Variants in DLGAP2 observed in about 807,000 individuals in gnomAD.
DLGAP2 encodes the protein disks large-associated protein 2.
In DLGAP2, 26 loss-of-function variants were observed where a neutral mutation model predicts 100.3. The ratio of observed to expected loss-of-function variants is 0.26; its 90% CI spans 0.19 to 0.36. DLGAP2 has a LOEUF of 0.36. Among genes scored for constraint, DLGAP2 ranks in the 10% least tolerant of loss-of-function variants. The pLI, the probability that DLGAP2 is intolerant of heterozygous loss-of-function variation, is 1.00. For missense variants in DLGAP2, 1,858 were observed against 1,453.2 expected (o/e 1.28, Z -4.53); for synonymous variants, 886 against 630.1 (o/e 1.41, Z -6.08).
At chr8:1,161,189 T>C (rs1195972576) in intron 2 of DLGAP2, among the ~76,000 whole-genome samples, 5 of 152,158 alleles carry the variant, frequency 3.3e-5, no homozygotes, top group Admixed American at 1.3e-4. Flanking sequence ...AACACATCGA[T>C]GTATCCTACT....
intron 3 of DLGAP2, among the ~76,000 whole-genome samples, chr8:1,484,273 G>A (rs930012069): frequency 3.9e-5 from 6 of 152,236 alleles, no homozygotes; most frequent in African/African-American, 9.6e-5. Context: ...AGTCAGACCC[G>A]TATCACTGCC....
intron 3 of DLGAP2, among the ~76,000 whole-genome samples, chr8:1,326,944 C>G (rs1323098699): frequency 3.9e-5 from 6 of 152,216 alleles, no homozygotes; most frequent in Admixed American, 2.6e-4. Flanking sequence ...ATCAGCCGTG[C>G]TCTTTAGCCA....
intron 3 of DLGAP2, among the ~76,000 whole-genome samples, chr8:1,333,066 T>C (rs1801194584): frequency 6.6e-6 from 1 of 152,116 alleles, no homozygotes; most frequent in Admixed American, 6.5e-5. Context: ...AGCGATGGTG[T>C]CTGGAGGAGG....
intron 3 of DLGAP2, among the ~76,000 whole-genome samples, chr8:1,283,019 C>G (rs1168170271): frequency 1.5e-5 from 2 of 135,272 alleles, no homozygotes; most frequent in South Asian, 2.7e-4. Context: ...CATGGTGTGA[C>G]CTGAGCCCAG....
chr8:866,408 A>G (rs1392732459), intron 1 of DLGAP2, among the ~76,000 whole-genome samples: 1 of 152,180 alleles, frequency 6.6e-6, no homozygotes, highest in East Asian at 1.9e-4. Flanking sequence ...CCTGGGAACC[A>G]TGTCTCTGGG....
rs967680331 is a variant in DLGAP2 at position 825,169 on chromosome 8, G to A, written c.19-82743G>A. ...CCAAAATGACCCCACAGAACCATCT[G>A]CAGGGTCTCTGCTACCGTACGGCTG... On this transcript the variant is annotated intron_variant, in intron 1 of 14. Transcript: ENST00000637795. Among the ~76,000 whole-genome samples, 17 of 152,104 alleles carry A rather than the reference G, an allele frequency of 1.1e-4. 1 individual carries two copies. Among genetic ancestry groups the A allele is most frequent in the African/African-American group, 4.1e-4 (17 of 41,418 alleles).
chr8:791,671 A>G (rs1822030149), intron 1 of DLGAP2, among the ~76,000 whole-genome samples: 1 of 152,244 alleles, frequency 6.6e-6, no homozygotes, highest in South Asian at 2.1e-4. Context: ...ATATATGCAC[A>G]TAAAGTTGAT....
intron 1 of DLGAP2, among the ~76,000 whole-genome samples, chr8:741,837 C>T (rs750378663): frequency 7.2e-5 from 11 of 152,156 alleles, no homozygotes; most frequent in East Asian, 5.8e-4. Flanking sequence ...GAGTGAAGAG[C>T]GGGAACTTTC....
At chr8:1,662,792 G>A (rs530079956) in intron 8 of DLGAP2, among the ~76,000 whole-genome samples, 2 of 151,548 alleles carry the variant, frequency 1.3e-5, no homozygotes, top group East Asian at 3.9e-4. Flanking sequence ...GTGTACACAC[G>A]TGTGAGTGTG....
chr8:1,337,044 G>C (rs900071484), intron 3 of DLGAP2, among the ~76,000 whole-genome samples: 3 of 152,166 alleles, frequency 2.0e-5, no homozygotes, highest in African/African-American at 7.2e-5. Flanking sequence ...TCAGTACATA[G>C]TAACCAGTAA....
chr8:1,417,463 C>G (rs1198024169), intron 3 of DLGAP2, among the ~76,000 whole-genome samples: 2 of 152,202 alleles, frequency 1.3e-5, no homozygotes, highest in African/African-American at 2.4e-5. Context: ...TGTTCTCTTA[C>G]TGTGAAGGTT....
intron 3 of DLGAP2, among the ~76,000 whole-genome samples, chr8:1,288,827 G>A (rs1263519258): frequency 6.6e-6 from 1 of 152,086 alleles, no homozygotes; most frequent in Non-Finnish European, 1.5e-5. Flanking sequence ...CAGTGTGTGT[G>A]TGTACATGGT....
In DLGAP2 at chr8:922,941, T is replaced by C. The variant is rs763810563; in HGVS notation, c.73+14975T>C. Among the ~76,000 whole-genome samples, 3 of 152,224 alleles carry C rather than the reference T, an allele frequency of 2.0e-5. No individual in the cohort carries two copies. The East Asian group carries it at 5.8e-4, about 29-fold the overall frequency. On this transcript the variant is annotated intron_variant, in intron 2 of 14. Transcript: ENST00000637795. ...AAATGAGACCAGGAGTTTTGGAATA[T>C]AGAGGGAGGTGCCCAGGGCTGGGAA...
intron 4 of DLGAP2, among the ~76,000 whole-genome samples, chr8:1,516,021 ATGAGTGAGTGAATGAGTAACTGAG>A (rs370305359): frequency 0.026 from 3,853 of 150,690 alleles, 62 homozygotes; most frequent in Middle Eastern, 0.034. Context: ...GAGTGCATGA[ATGAGTGAGTGAATGAGTAACTGAG>A]TGAATGAGTG....
chr8:1,337,139 GTGGTGAGAATGA>G (rs1393334641), intron 3 of DLGAP2, among the ~76,000 whole-genome samples: 2 of 150,730 alleles, frequency 1.3e-5, no homozygotes, highest in Non-Finnish European at 3.0e-5. Flanking sequence ...GATGATAATG[GTGGTGAGAATGA>G]TGGTGATGAT....
intron 2 of DLGAP2, among the ~76,000 whole-genome samples, chr8:1,227,993 G>A (rs958851270): frequency 6.6e-6 from 1 of 151,998 alleles, no homozygotes; most frequent in African/African-American, 2.4e-5. Context: ...CTATTTATAT[G>A]CATGTTATGA....
rs1367205346 is a variant in DLGAP2, at chr8:1,549,587, G to C, written c.1134G>C (p.Gln378His). ...RSSWSTLTVS[Q>H]AKEAYRKSSL... is the part of the protein sequence containing the mutation. ...CCTGGTCTACGCTGACGGTCAGCCA[G>C]GCCAAGGAGGCCTACCGCAAGAGCT... Residue 378 changes from glutamine (Q) to histidine (H), a missense_variant, in exon 5 of 15, where the codon CAG becomes CAC. Coordinates refer to ENST00000637795, the MANE Select transcript of DLGAP2 (RefSeq NM_001346810.2). 1 of 1,610,800 alleles carries C rather than the reference G, an allele frequency of 6.2e-7. No individual in the cohort carries two copies. Among genetic ancestry groups the C allele is most frequent in the African/African-American group, 1.3e-5 (1 of 74,874 alleles).
At chr8:1,360,408 T>C (rs1188477283) in intron 3 of DLGAP2, among the ~76,000 whole-genome samples, 2 of 151,836 alleles carry the variant, frequency 1.3e-5, no homozygotes, top group African/African-American at 4.8e-5. Flanking sequence ...TGTGTTGGAG[T>C]AGAGTGCATG....
At chr8:1,138,024 C>T (rs932821237) in intron 2 of DLGAP2, among the ~76,000 whole-genome samples, 10 of 152,156 alleles carry the variant, frequency 6.6e-5, no homozygotes, top group Admixed American at 2.0e-4. Flanking sequence ...GCGTGAGCCA[C>T]GGCGCCCGGC....
Sources: allele counts gnomAD v4.1 joint callset (sites outside exome capture counted in the v4.1 genomes callset), GRCh38; gene constraint gnomAD v4.1.1; transcripts MANE v1.5; gene names NCBI Gene and HGNC (gene_info 2026-07-23, HGNC 2026-07-21).